Variants in AEBP2 observed in about 807,000 individuals in gnomAD.
AEBP2 encodes AE binding protein 2, also known as zinc finger protein AEBP2.
Under a neutral mutation model 50.8 loss-of-function variants are expected in AEBP2, and 10 were observed. The ratio of observed to expected loss-of-function variants is 0.20; its 90% CI spans 0.12 to 0.33. AEBP2 has a LOEUF of 0.33. AEBP2 is among the 10% of genes least tolerant of loss of function. AEBP2 has a pLI of 1.00. For missense variants in AEBP2, 570 were observed against 688.0 expected (o/e 0.83, Z 1.92); for synonymous variants, 296 against 261.3 (o/e 1.13, Z -1.28).
At chr12:19,482,641 C>T (rs992864621) in intron 3 of AEBP2, among the ~76,000 whole-genome samples, 1 of 151,992 alleles carries the variant, frequency 6.6e-6, no homozygotes, top group African/African-American at 2.4e-5. Flanking sequence ...TGGCTTCTGG[C>T]GAGATGGGTG....
intron 1 of AEBP2, among the ~76,000 whole-genome samples, chr12:19,447,141 G>A (rs554263598): frequency 1.3e-5 from 2 of 152,332 alleles, no homozygotes; most frequent in East Asian, 1.9e-4. Flanking sequence ...CTGGACCTGG[G>A]AAGTAAGAAT....
chr12:19,419,737 C>A (rs1172227457), intron 1 of AEBP2, among the ~76,000 whole-genome samples: 1 of 152,078 alleles, frequency 6.6e-6, no homozygotes, highest in Non-Finnish European at 1.5e-5. Context: ...TGAGACTAGA[C>A]TGGCCAACAT....
intron 5 of AEBP2, among the ~76,000 whole-genome samples, chr12:19,500,758 G>T (rs1469782357): frequency 6.6e-6 from 1 of 152,150 alleles, no homozygotes; most frequent in Non-Finnish European, 1.5e-5. Context: ...CTAGAATTTT[G>T]CCTGGCACAT....
intron 5 of AEBP2, among the ~76,000 whole-genome samples, chr12:19,502,294 C>T (rs185948059): frequency 4.6e-5 from 7 of 152,174 alleles, no homozygotes; most frequent in South Asian, 2.1e-4. Context: ...CCACCAAGCC[C>T]AGCTAATTTT....
At chr12:19,454,465 C>G (rs1258994836) in intron 1 of AEBP2, among the ~76,000 whole-genome samples, 1 of 152,218 alleles carries the variant, frequency 6.6e-6, no homozygotes, top group Non-Finnish European at 1.5e-5. Context: ...GATTTGCAAG[C>G]ATGATTTTAT....
intron 1 of AEBP2, among the ~76,000 whole-genome samples, chr12:19,428,972 C>T (rs2095750016): frequency 6.6e-6 from 1 of 152,068 alleles, no homozygotes; most frequent in Non-Finnish European, 1.5e-5. Flanking sequence ...AACCCCATCT[C>T]TACAATTTTT....
chr12:19,455,579 G>C (rs866898284), intron 1 of AEBP2, among the ~76,000 whole-genome samples: 1 of 152,244 alleles, frequency 6.6e-6, no homozygotes. Flanking sequence ...CGTCCACCAA[G>C]CAGATACTTG....
chr12:19,477,097 TA>T (rs1565722077), intron 3 of AEBP2, among the ~76,000 whole-genome samples: 2 of 152,320 alleles, frequency 1.3e-5, no homozygotes, highest in East Asian at 3.9e-4. Flanking sequence ...TTAAGTTCTT[TA>T]GTTGTTTCTC....
intron 4 of AEBP2, among the ~76,000 whole-genome samples, chr12:19,499,660 G>T (rs74402221): frequency 0.048 from 7,296 of 150,564 alleles, 390 homozygotes; most frequent in Admixed American, 0.15. Flanking sequence ...TGTATTGTCA[G>T]ATTTGTACAA....
chr12:19,460,373 G>A (rs963547522), intron 1 of AEBP2, among the ~76,000 whole-genome samples: 4 of 152,070 alleles, frequency 2.6e-5, no homozygotes, highest in African/African-American at 4.8e-5. Flanking sequence ...ACAGAGTCTC[G>A]CTCTGTCGCC....
chr12:19,429,320 T>C (rs1293981496), intron 1 of AEBP2, among the ~76,000 whole-genome samples: 2 of 152,220 alleles, frequency 1.3e-5, no homozygotes, highest in Non-Finnish European at 2.9e-5. Context: ...TCCTTTTTTA[T>C]GGCTGCATAG....
At chr12:19,472,028 C>T (rs1370535522) in intron 2 of AEBP2, among the ~76,000 whole-genome samples, 2 of 152,124 alleles carry the variant, frequency 1.3e-5, no homozygotes, top group African/African-American at 4.8e-5. Flanking sequence ...TCAGGATATG[C>T]AGTAACTTCT....
intron 1 of AEBP2, among the ~76,000 whole-genome samples, chr12:19,409,155 A>G (rs1054912096): frequency 4.6e-5 from 7 of 152,146 alleles, no homozygotes; most frequent in Non-Finnish European, 8.8e-5. Context: ...TAATTAGTTT[A>G]TTTAATTTTG....
intron 5 of AEBP2, among the ~76,000 whole-genome samples, chr12:19,504,044 C>T (rs1949120775): frequency 6.6e-6 from 1 of 152,070 alleles, no homozygotes; most frequent in Admixed American, 6.6e-5. Flanking sequence ...CCCAGGCTAA[C>T]CTTGTCTTGT....
intron 4 of AEBP2, among the ~76,000 whole-genome samples, chr12:19,496,482 A>G (rs1948983898): frequency 6.6e-6 from 1 of 152,208 alleles, no homozygotes; most frequent in South Asian, 2.1e-4. Context: ...CATGGTTAAC[A>G]GCTGCTGCAT....
intron 2 of AEBP2, among the ~76,000 whole-genome samples, chr12:19,463,451 A>T (rs1245452212): frequency 3.9e-5 from 6 of 152,164 alleles, no homozygotes; most frequent in African/African-American, 1.4e-4. Flanking sequence ...GTGTAAGGGC[A>T]GGTAATTTAT....
chr12:19,444,530 T>C (rs1487652869), intron 1 of AEBP2, among the ~76,000 whole-genome samples: 2 of 152,252 alleles, frequency 1.3e-5, no homozygotes, highest in African/African-American at 4.8e-5. Context: ...GTCAGGAGAC[T>C]AGCCTGAGCA....
At chr12:19,456,179 A>T in intron 1 of AEBP2, 1 of 1,148,912 alleles carries the variant, frequency 8.7e-7, no homozygotes, top group South Asian at 1.4e-5. Context: ...CAATTGAAAC[A>T]AACAGTTCTG....
At chr12:19,509,820 CTTTTTTTTTTTTTTT>C (rs57103167) in intron 5 of AEBP2, among the ~76,000 whole-genome samples, 8 of 68,748 alleles carry the variant, frequency 1.2e-4, no homozygotes, top group Admixed American at 8.6e-4. Context: ...TGGCTACTTT[CTTTTTTTTTTTTTTT>C]TTTTTTTTTT....
Sources: allele counts gnomAD v4.1 joint callset (sites outside exome capture counted in the v4.1 genomes callset), GRCh38; gene constraint gnomAD v4.1.1; transcripts MANE v1.5; gene names NCBI Gene and HGNC (gene_info 2026-07-23, HGNC 2026-07-21).